Variants in SLC10A7 observed in about 807,000 individuals in gnomAD.
SLC10A7 encodes sodium/bile acid cotransporter 7.
In SLC10A7, 29 loss-of-function variants were observed where a neutral mutation model predicts 43.2. The ratio of observed to expected loss-of-function variants is 0.67; its 90% CI spans 0.50 to 0.92. SLC10A7 has a LOEUF of 0.92. Among genes scored for constraint, SLC10A7 ranks in the 40% least tolerant of loss-of-function variants. The probability of loss-of-function intolerance (pLI) is 0.00; values close to 1 mark genes in which losing one functional copy is unlikely to be tolerated. For missense variants in SLC10A7, 295 were observed against 403.2 expected, an observed-to-expected ratio of 0.73 and a Z score of 2.30; for synonymous variants, 152 against 144.8, an observed-to-expected ratio of 1.05 and a Z score of -0.35.
chr4:146,290,190 G>A (rs949351252), intron 9 of SLC10A7, among the ~76,000 whole-genome samples: 1 of 151,508 alleles, frequency 6.6e-6, no homozygotes, highest in Non-Finnish European at 1.5e-5. Context: ...CAGGCGTGGT[G>A]GCGGGAGCCT....
intron 5 of SLC10A7, among the ~76,000 whole-genome samples, chr4:146,333,779 A>T (rs1733695320): frequency 6.6e-6 from 1 of 151,940 alleles, no homozygotes; most frequent in Non-Finnish European, 1.5e-5. Flanking sequence ...GGGTGTGGGG[A>T]GGGGCAATAG....
chr4:146,357,775 C>T (rs1735758621), intron 5 of SLC10A7, among the ~76,000 whole-genome samples: 3 of 152,032 alleles, frequency 2.0e-5, no homozygotes, highest in African/African-American at 7.3e-5. Flanking sequence ...GGAAAGAGTA[C>T]CCGGAAGTGA....
At chr4:146,457,182 T>G (rs1375252245) in intron 4 of SLC10A7, among the ~76,000 whole-genome samples, 11 of 151,948 alleles carry the variant, frequency 7.2e-5, no homozygotes, top group Admixed American at 5.3e-4. Flanking sequence ...CTTGAAATTT[T>G]ATTCTTCTTT....
intron 4 of SLC10A7, among the ~76,000 whole-genome samples, chr4:146,494,812 TA>T (rs1446888189): frequency 1.3e-5 from 2 of 152,178 alleles, no homozygotes; most frequent in Non-Finnish European, 2.9e-5. Context: ...GCTAACCTAT[TA>T]AAAGGGCCCT....
intron 5 of SLC10A7, chr4:146,442,324 T>C: frequency 1.0e-6 from 1 of 987,120 alleles, no homozygotes; most frequent in Non-Finnish European, 1.2e-6. Flanking sequence ...CACATAGATT[T>C]CTCAGAAGCA....
intron 4 of SLC10A7, among the ~76,000 whole-genome samples, chr4:146,490,751 G>A (rs1369953776): frequency 6.6e-6 from 1 of 152,132 alleles, no homozygotes; most frequent in African/African-American, 2.4e-5. Context: ...CCCAATCTAG[G>A]ATATCATTTA....
At chr4:146,286,725 AGTTTGGAGTGGTGAGAAGGACTGT>A (rs1560764080) in intron 9 of SLC10A7, among the ~76,000 whole-genome samples, 2 of 83,088 alleles carry the variant, frequency 2.4e-5, no homozygotes, top group Non-Finnish European at 4.7e-5. Context: ...AGAAGGACTG[AGTTTGGAGTGGTGAGAAGGACTGT>A]GTTTGGAGTG....
chr4:146,364,307 T>C (rs1198550097), intron 5 of SLC10A7, among the ~76,000 whole-genome samples: 1 of 151,978 alleles, frequency 6.6e-6, no homozygotes, highest in African/African-American at 2.4e-5. Context: ...ATAAAAAACC[T>C]GAATAGACCA....
chr4:146,418,055 AAAG>A (rs1195513920), intron 5 of SLC10A7, among the ~76,000 whole-genome samples: 1 of 151,274 alleles, frequency 6.6e-6, no homozygotes, highest in Non-Finnish European at 1.5e-5. Context: ...GATCCACAGA[AAAG>A]AATAGGGGAG....
chr4:146,473,882 T>C (rs1165800588), intron 4 of SLC10A7, among the ~76,000 whole-genome samples: 1 of 152,122 alleles, frequency 6.6e-6, no homozygotes, highest in East Asian at 1.9e-4. Context: ...ATACTTTATA[T>C]ACATTCTAAT....
intron 6 of SLC10A7, among the ~76,000 whole-genome samples, chr4:146,316,971 T>A (rs1732370054): frequency 6.6e-6 from 1 of 152,100 alleles, no homozygotes; most frequent in African/African-American, 2.4e-5. Flanking sequence ...CTTATCATAA[T>A]CTTCATTTTA....
At chr4:146,482,043 T>C (rs1332380115) in intron 4 of SLC10A7, among the ~76,000 whole-genome samples, 6 of 152,182 alleles carry the variant, frequency 3.9e-5, no homozygotes, top group Non-Finnish European at 8.8e-5. Context: ...GATTTCACCA[T>C]TGCACCAATA....
intron 3 of SLC10A7, 108 bp from the exon 4 acceptor site, chr4:146,504,032 T>C: frequency 1.1e-6 from 1 of 914,664 alleles, no homozygotes; most frequent in Non-Finnish European, 1.7e-6. Context: ...TAAGGGCATA[T>C]TTATTGATGC....
chr4:146,419,521 T>A (rs1465607579), intron 5 of SLC10A7, among the ~76,000 whole-genome samples: 1 of 152,138 alleles, frequency 6.6e-6, no homozygotes, highest in Non-Finnish European at 1.5e-5. Flanking sequence ...GAAAAATATC[T>A]TACATTAAAA....
At chr4:146,316,313 C>T (rs1732319767) in intron 6 of SLC10A7, among the ~76,000 whole-genome samples, 1 of 151,936 alleles carries the variant, frequency 6.6e-6, no homozygotes, top group African/African-American at 2.4e-5. Flanking sequence ...TTTCTGTGCC[C>T]CTAAAATTTG....
At chr4:146,433,367 T>C (rs932761958) in intron 5 of SLC10A7, among the ~76,000 whole-genome samples, 4 of 151,416 alleles carry the variant, frequency 2.6e-5, no homozygotes, top group Admixed American at 2.6e-4. Flanking sequence ...ACCATCTCAA[T>C]AAGAAACATA....
At chr4:146,299,971 C>T (rs1731052603) in intron 7 of SLC10A7, among the ~76,000 whole-genome samples, 1 of 152,138 alleles carries the variant, frequency 6.6e-6, no homozygotes, top group Admixed American at 6.5e-5. Flanking sequence ...TGAGCAGCTC[C>T]ATTGCACGCA....
rs1426783457 is a variant in SLC10A7, at chr4:146,254,275, C to T, written c.*2216G>A. On this transcript the variant is annotated 3_prime_UTR_variant, in exon 12 of 12. Transcript: ENST00000335472. The stretch of plus-strand genomic sequence containing the variant: ...AAATCCAGGTGGAAAAATGAGTAAA[C>T]ATAAATATAATCTAATGTATTTCTT... 1 of 151,642 alleles carries T rather than the reference C, an allele frequency of 6.6e-6. No homozygotes were observed. The highest frequency in any genetic ancestry group is 2.4e-5 in the African/African-American group (1 of 41,270). 9.4% of individuals were successfully genotyped at this position (151,642 alleles called of 1,614,324 possible).
intron 5 of SLC10A7, among the ~76,000 whole-genome samples, chr4:146,352,168 T>G (rs891716054): frequency 6.4e-5 from 7 of 109,744 alleles, no homozygotes; most frequent in Admixed American, 4.5e-4. Context: ...ACACATAGGC[T>G]CAGAATAAAA....
Sources: allele counts gnomAD v4.1 joint callset (sites outside exome capture counted in the v4.1 genomes callset), GRCh38; gene constraint gnomAD v4.1.1; transcripts MANE v1.5; gene names NCBI Gene and HGNC (gene_info 2026-07-23, HGNC 2026-07-21).